Variants in TBPL1 observed in about 807,000 individuals in gnomAD.
TBPL1 encodes TATA-box binding protein like 1, also known as TATA box-binding protein-like 1.
A neutral mutation model predicts 22.1 loss-of-function variants in TBPL1; 4 were observed. That is an observed-to-expected ratio of 0.18 (90% confidence interval 0.09 to 0.41). The LOEUF (loss-of-function observed/expected upper bound fraction) is 0.41. Among genes scored for constraint, TBPL1 ranks in the 10% least tolerant of loss-of-function variants. The probability of loss-of-function intolerance (pLI) is 1.00; values close to 1 mark genes in which losing one functional copy is unlikely to be tolerated. For synonymous variants in TBPL1, 64 were observed against 71.0 expected, an observed-to-expected ratio of 0.90 and a Z score of 0.50; for missense variants, 115 against 222.3, an observed-to-expected ratio of 0.52 and a Z score of 3.07.
chr6:133,970,616 T>C (rs1056474391), intron 1 of TBPL1, among the ~76,000 whole-genome samples: 7 of 145,602 alleles, frequency 4.8e-5, no homozygotes, highest in Non-Finnish European at 1.1e-4. Context: ...TGTTTTTGCT[T>C]TTTTTTTTTT....
intron 1 of TBPL1, among the ~76,000 whole-genome samples, chr6:133,972,135 C>G (rs1333181418): frequency 6.6e-6 from 1 of 152,096 alleles, no homozygotes; most frequent in East Asian, 1.9e-4. Flanking sequence ...TTACTGAGTT[C>G]AAACAGTGAA....
chr6:133,963,597 T>C (rs1383273793), intron 1 of TBPL1, among the ~76,000 whole-genome samples: 1 of 152,098 alleles, frequency 6.6e-6, no homozygotes, highest in Non-Finnish European at 1.5e-5. Flanking sequence ...ATTTTTGTAT[T>C]TTTTTGTCGA....
At chr6:133,984,717 G>T in intron 6 of TBPL1, 46 bp downstream of exon 6, 1 of 1,444,268 alleles carries the variant, frequency 6.9e-7, no homozygotes, top group East Asian at 2.3e-5. Flanking sequence ...TGGATTGAAT[G>T]ATACAAGATG....
chr6:133,975,876 C>A lies in TBPL1; in HGVS notation c.-44-4206C>A, dbSNP rs1355782334. 2.6e-5 allele frequency among the ~76,000 whole-genome samples: 4 copies of A among 152,118 alleles called. No homozygotes were observed. In the East Asian group the frequency reaches 7.7e-4, roughly 29 times the overall value. On this transcript the variant is annotated intron_variant, in intron 1 of 6. Transcript: ENST00000237264. ...TATTTTTTAAGCTGAATGATAGGTA[C>A]GTAGATGTTCATTGTGTTCTTTTTG... is the stretch of plus-strand genomic sequence containing the variant.
chr6:133,959,020 T>A (rs888590119), intron 1 of TBPL1, among the ~76,000 whole-genome samples: 9 of 152,126 alleles, frequency 5.9e-5, no homozygotes, highest in African/African-American at 2.2e-4. Context: ...TAGTTTTAGA[T>A]ACCCTGAGGA....
At chr6:133,954,720 T>C (rs1049018790) in intron 1 of TBPL1, among the ~76,000 whole-genome samples, 2 of 152,210 alleles carry the variant, frequency 1.3e-5, no homozygotes, top group African/African-American at 4.8e-5. Flanking sequence ...CAGCTTCTGT[T>C]TGTTCCCCAC....
In TBPL1 at chr6:133,989,899, T is replaced by C. The variant is rs546134155; in HGVS notation, c.*2859T>C. 11 of 152,348 alleles carry C rather than the reference T, an allele frequency of 7.2e-5. No homozygotes were observed. Among genetic ancestry groups the C allele is most frequent in the Admixed American group, 4.6e-4 (7 of 15,304 alleles). The allele number at this position is 152,348 out of a possible 1,614,324, so 9.4% of individuals were successfully genotyped here. A position where few individuals can be genotyped will look rare whatever the true frequency, so the allele number is the denominator to read the frequency against. On this transcript the variant is annotated 3_prime_UTR_variant, in exon 7 of 7. Coordinates refer to ENST00000237264, the MANE Select transcript of TBPL1 (RefSeq NM_004865.4). ...TTTTAAAATTCTTTTTCAAGTTAGG[T>C]TGTTCGTGCTTTTAAGTTTTTTGTG...
chr6:133,967,589 G>A (rs1433255028), intron 1 of TBPL1, among the ~76,000 whole-genome samples: 1 of 152,184 alleles, frequency 6.6e-6, no homozygotes, highest in Non-Finnish European at 1.5e-5. Flanking sequence ...ATGTAGTATA[G>A]CCTATTGCTT....
intron 6 of TBPL1, among the ~76,000 whole-genome samples, chr6:133,985,210 C>T (rs1002501900): frequency 2.4e-4 from 34 of 141,456 alleles, no homozygotes; most frequent in African/African-American, 7.4e-4. Context: ...ACCCAGGAGG[C>T]GGAGGTTGCA....
chr6:133,982,332 T>C (rs184367730), intron 2 of TBPL1, among the ~76,000 whole-genome samples: 1 of 152,212 alleles, frequency 6.6e-6, no homozygotes, highest in Non-Finnish European at 1.5e-5. Context: ...TTCAAGTATA[T>C]AGAGTGAGAG....
chr6:133,972,272 T>A (rs769278755), intron 1 of TBPL1, among the ~76,000 whole-genome samples: 52 of 152,216 alleles, frequency 3.4e-4, no homozygotes, highest in Non-Finnish European at 6.2e-4. Context: ...TTTCATAATT[T>A]CATGTCACTC....
rs772745895 is a variant in TBPL1 at position 133,980,200 on chromosome 6, T to C, written c.75T>C (p.His25=). 157 of 1,610,506 alleles carry C rather than the reference T, an allele frequency of 9.7e-5. 2 individuals carry two copies. Among genetic ancestry groups the C allele is most frequent in the Admixed American group, 6.7e-4 (40 of 59,404 alleles). The change falls in exon 2 of 7, where the codon CAT becomes CAC. Residue 25 remains histidine (H), a synonymous_variant. Transcript: ENST00000237264. ...TCTGTGTTTTTAGAACAAGATGTCATTTAAACTTAAGGAAGATTGCTTTGG... is the reference window on the plus strand; with the variant it reads ...TCTGTGTTTTTAGAACAAGATGTCACTTAAACTTAAGGAAGATTGCTTTGG... ...NVVCVFRTRC[H]LNLRKIALEG... is the part of the protein sequence containing the mutation.
chr6:133,959,801 C>G (rs2114325115), intron 1 of TBPL1, among the ~76,000 whole-genome samples: 1 of 152,292 alleles, frequency 6.6e-6, no homozygotes, highest in South Asian at 2.1e-4. Context: ...TTCTTTCTAT[C>G]ACACTCTTTT....
intron 2 of TBPL1, among the ~76,000 whole-genome samples, chr6:133,981,622 TGATCTTTGG>T (rs1776415002): frequency 1.3e-5 from 2 of 152,236 alleles, no homozygotes; most frequent in Non-Finnish European, 2.9e-5. Context: ...AATTTTATCT[TGATCTTTGG>T]TGAATTTTGA....
chr6:133,972,287 C>T (rs1386903765), intron 1 of TBPL1, among the ~76,000 whole-genome samples: 1 of 152,232 alleles, frequency 6.6e-6, no homozygotes, highest in East Asian at 1.9e-4. Context: ...TCACTCAGAT[C>T]TATTCAGATC....
At chr6:133,972,794 G>C (rs1255856934) in intron 1 of TBPL1, among the ~76,000 whole-genome samples, 1 of 152,082 alleles carries the variant, frequency 6.6e-6, no homozygotes, top group Admixed American at 6.5e-5. Context: ...GAATCCATCT[G>C]TCAGTAATAG....
rs1369015808 is a variant in TBPL1, at chr6:133,987,439, G to C, written c.*399G>C. ...GCTGAATATGGGCACCAAAGAACCT[G>C]TAAAAGTTATCTTTTTCAATTGAAT... is the stretch of plus-strand genomic sequence containing the variant. On this transcript the variant is annotated 3_prime_UTR_variant, in exon 7 of 7. Transcript: ENST00000237264. 1 of 152,860 alleles carries C rather than the reference G, an allele frequency of 6.5e-6. No homozygotes were observed. Among genetic ancestry groups the C allele is most frequent in the East Asian group, 1.9e-4 (1 of 5,208 alleles). 9.5% of individuals were successfully genotyped at this position (152,860 alleles called of 1,614,324 possible). A position where few individuals can be genotyped will look rare whatever the true frequency, so the allele number is the denominator to read the frequency against.
chr6:133,961,700 G>A (rs1476332596), intron 1 of TBPL1, among the ~76,000 whole-genome samples: 2 of 151,994 alleles, frequency 1.3e-5, no homozygotes, highest in African/African-American at 4.8e-5. Context: ...CCCTGACCTC[G>A]TGATCCATGC....
chr6:133,986,902 T>C (rs747912090), intron 6 of TBPL1, 59 bp from the exon 7 acceptor site: 7 of 1,224,794 alleles, frequency 5.7e-6, no homozygotes, highest in Non-Finnish European at 8.0e-6. Context: ...AAAATCAGTT[T>C]TTCCTAGTGC....
Sources: allele counts gnomAD v4.1 joint callset (sites outside exome capture counted in the v4.1 genomes callset), GRCh38; gene constraint gnomAD v4.1.1; transcripts MANE v1.5; gene names NCBI Gene and HGNC (gene_info 2026-07-23, HGNC 2026-07-21).